Variants in TSPAN5 observed in about 807,000 individuals in gnomAD.
TSPAN5 encodes the protein tetraspanin 5, also known as tetraspanin-5.
TSPAN5 carries 10 observed loss-of-function variants against 37.1 expected under a neutral mutation model. The ratio of observed to expected loss-of-function variants is 0.27; its 90% CI spans 0.17 to 0.46. TSPAN5 has a LOEUF of 0.46. Ranked by LOEUF, TSPAN5 falls within the 20% of genes least tolerant of loss-of-function variation. TSPAN5 has a pLI of 1.00. For synonymous variants in TSPAN5, 110 were observed against 118.9 expected, an observed-to-expected ratio of 0.93 and a Z score of 0.48; for missense variants, 195 against 326.6, an observed-to-expected ratio of 0.60 and a Z score of 3.11.
intron 2 of TSPAN5, among the ~76,000 whole-genome samples, chr4:98,493,304 C>T (rs1464392498): frequency 2.6e-5 from 4 of 152,208 alleles, no homozygotes; most frequent in East Asian, 1.9e-4. Context: ...AGTTCTCATC[C>T]TTCTCCTACC....
intron 1 of TSPAN5, among the ~76,000 whole-genome samples, chr4:98,575,678 CACATAATATTCTAGAA>C (rs1755217234): frequency 6.6e-6 from 1 of 151,832 alleles, no homozygotes; most frequent in African/African-American, 2.4e-5. Flanking sequence ...CCACAACAGT[CACATAATATTCTAGAA>C]ACTTTTCCTC....
intron 1 of TSPAN5, among the ~76,000 whole-genome samples, chr4:98,587,933 C>G (rs1418984120): frequency 6.6e-6 from 1 of 152,090 alleles, no homozygotes; most frequent in Non-Finnish European, 1.5e-5. Flanking sequence ...GTGCTTGGAT[C>G]TGGGGCCCCA....
At chr4:98,656,113 T>C (rs1291679390) in intron 1 of TSPAN5, among the ~76,000 whole-genome samples, 2 of 152,140 alleles carry the variant, frequency 1.3e-5, no homozygotes, top group African/African-American at 4.8e-5. Flanking sequence ...TCAGAAAACA[T>C]GCGGCTCTGT....
At chr4:98,556,034 A>C (rs1754740122) in intron 1 of TSPAN5, among the ~76,000 whole-genome samples, 9 of 66,000 alleles carry the variant, frequency 1.4e-4, no homozygotes, top group South Asian at 7.1e-4. Flanking sequence ...CCACACACAC[A>C]GCACCCCCAC....
At chr4:98,599,361 A>G (rs546072804) in intron 1 of TSPAN5, among the ~76,000 whole-genome samples, 1 of 152,212 alleles carries the variant, frequency 6.6e-6, no homozygotes, top group Non-Finnish European at 1.5e-5. Context: ...TAAAGAAACA[A>G]GGTCATAATC....
At chr4:98,524,835 A>C (rs1292619686) in intron 1 of TSPAN5, among the ~76,000 whole-genome samples, 1 of 152,146 alleles carries the variant, frequency 6.6e-6, no homozygotes, top group Non-Finnish European at 1.5e-5. Flanking sequence ...CCAGTCAGTA[A>C]CTTTTCCCAG....
intron 2 of TSPAN5, among the ~76,000 whole-genome samples, chr4:98,497,316 C>CA (rs398051229): frequency 0.011 from 1,104 of 101,720 alleles, 19 homozygotes; most frequent in Admixed American, 0.018. Context: ...GACTCCATCT[C>CA]AAAAAAAAAA....
intron 1 of TSPAN5, among the ~76,000 whole-genome samples, chr4:98,581,342 T>C (rs1034036438): frequency 6.6e-6 from 1 of 152,160 alleles, no homozygotes; most frequent in African/African-American, 2.4e-5. Flanking sequence ...CTCCCTCACT[T>C]CTATTAATAA....
intron 1 of TSPAN5, among the ~76,000 whole-genome samples, chr4:98,559,398 G>C (rs528454540): frequency 4.6e-5 from 7 of 152,246 alleles, no homozygotes; most frequent in Non-Finnish European, 8.8e-5. Flanking sequence ...ATTTATCTCT[G>C]TCTTTTTGCA....
At chr4:98,493,547 C>T (rs1753131365) in intron 2 of TSPAN5, among the ~76,000 whole-genome samples, 1 of 152,044 alleles carries the variant, frequency 6.6e-6, no homozygotes, top group South Asian at 2.1e-4. Context: ...TGAGAGAGAG[C>T]CAGAGACCAA....
chr4:98,507,768 G>C (rs1311012104), intron 1 of TSPAN5, 40 bp from the exon 2 acceptor site: 2 of 1,441,646 alleles, frequency 1.4e-6, no homozygotes, highest in Non-Finnish European at 1.9e-6. Flanking sequence ...AAGGGAAAAT[G>C]CCGCTAATAT....
intron 1 of TSPAN5, among the ~76,000 whole-genome samples, chr4:98,516,135 A>G (rs1026297421): frequency 3.9e-5 from 6 of 152,192 alleles, no homozygotes; most frequent in Admixed American, 3.9e-4. Context: ...TCCTCCATCT[A>G]CATCCCCCTT....
chr4:98,560,614 G>A (rs919391732), intron 1 of TSPAN5, among the ~76,000 whole-genome samples: 3 of 152,216 alleles, frequency 2.0e-5, no homozygotes. Context: ...TCTGCCTTCA[G>A]GATGTGGATA....
intron 1 of TSPAN5, among the ~76,000 whole-genome samples, chr4:98,647,496 T>G (rs1159393551): frequency 6.6e-6 from 1 of 152,202 alleles, no homozygotes; most frequent in African/African-American, 2.4e-5. Context: ...AGCTGTTCCC[T>G]CCAGATTTTT....
chr4:98,531,220 A>C (rs2110128783), intron 1 of TSPAN5, among the ~76,000 whole-genome samples: 1 of 150,750 alleles, frequency 6.6e-6, no homozygotes, highest in Middle Eastern at 3.4e-3. Flanking sequence ...TCCCTCCCCT[A>C]CCCCCTACCC....
chr4:98,627,855 G>T (rs1756644221), intron 1 of TSPAN5, among the ~76,000 whole-genome samples: 1 of 152,020 alleles, frequency 6.6e-6, no homozygotes, highest in Non-Finnish European at 1.5e-5. Context: ...GAGCCAAAGA[G>T]AATGATTAAA....
At chr4:98,511,642 T>C (rs9991048) in intron 1 of TSPAN5, among the ~76,000 whole-genome samples, 12,747 of 152,274 alleles carry the variant, frequency 0.084, 1,370 homozygotes, top group African/African-American at 0.24. Context: ...AAGTGCAGGC[T>C]GAATTTTGAA....
At chr4:98,502,066 T>C (rs1328707021) in intron 2 of TSPAN5, among the ~76,000 whole-genome samples, 2 of 152,148 alleles carry the variant, frequency 1.3e-5, no homozygotes, top group African/African-American at 4.8e-5. Context: ...GAATATGGTA[T>C]GAGGAGAAAA....
chr4:98,636,864 G>C (rs990993438), intron 1 of TSPAN5, among the ~76,000 whole-genome samples: 3 of 152,146 alleles, frequency 2.0e-5, no homozygotes, highest in Non-Finnish European at 2.9e-5. Context: ...GGCTTCACAG[G>C]TACAATAAGA....
Sources: gnomAD v4.1 joint callset for allele counts (sites outside exome capture counted in the v4.1 genomes callset) on GRCh38, gnomAD v4.1.1 for gene constraint, MANE v1.5 for transcripts, NCBI Gene and HGNC (gene_info 2026-07-23, HGNC 2026-07-21) for gene names.